BICD2: variants seen among roughly 807,000 people sequenced by gnomAD.
BICD2 encodes protein bicaudal D homolog 2.
Under a neutral mutation model 72.9 loss-of-function variants are expected in BICD2, and 25 were observed. The ratio of observed to expected loss-of-function variants is 0.34; its 90% CI spans 0.25 to 0.48. BICD2 has a LOEUF of 0.48. Ranked by LOEUF, BICD2 falls within the 20% of genes least tolerant of loss-of-function variation. The pLI is 0.99. For missense variants in BICD2, 894 were observed against 1,175.2 expected (o/e 0.76, Z 3.50); for synonymous variants, 501 against 516.1 (o/e 0.97, Z 0.40).
intron 1 of BICD2, among the ~76,000 whole-genome samples, chr9:92,743,271 C>T (rs1250048085): frequency 1.3e-5 from 2 of 151,900 alleles, no homozygotes; most frequent in African/African-American, 2.4e-5. Context: ...CAGCTCCCTT[C>T]AGCCTTAACC....
Position 92,711,952 on chromosome 9 carries a change from T to C in BICD2, c.*3202A>G, listed in dbSNP as rs1186507034. 6.6e-6 allele frequency: 1 copy of C among 152,584 alleles called. No individual in the cohort carries two copies. The highest frequency in any genetic ancestry group is 1.5e-5 in the Non-Finnish European group (1 of 68,036). The allele number at this position is 152,584 out of a possible 1,614,324, so 9.5% of individuals were successfully genotyped here. A position where few individuals can be genotyped will look rare whatever the true frequency, so the allele number is the denominator to read the frequency against. On this transcript the variant is annotated 3_prime_UTR_variant, in exon 7 of 7. Coordinates refer to ENST00000356884, the MANE Select transcript of BICD2 (RefSeq NM_001003800.2). ...CAGCAAACAAAACAGGATGTAGACC[T>C]GGTTTGCTAAGGAGTTTTAATGAGT...
chr9:92,714,068 T>C lies in BICD2; in HGVS notation c.*1086A>G, dbSNP rs1401892022. ...AAATGGGAGAACCCTACAGCTACCT[T>C]TCCTCTTTCTCTGTTGCCATCCCCC... is the stretch of plus-strand genomic sequence containing the variant. On this transcript the variant is annotated 3_prime_UTR_variant, in exon 7 of 7. Transcript: ENST00000356884. 5.1e-6 allele frequency: 5 copies of C among 985,854 alleles called. No homozygotes were observed. The highest frequency in any genetic ancestry group is 5.2e-4 in the Middle Eastern group (1 of 1,938). 61.1% of individuals were successfully genotyped at this position (985,854 alleles called of 1,614,324 possible).
rs111836891 is a variant in BICD2, at chr9:92,717,503, C to T, written c.2258+294G>A. ...TGCCCTATGCTCCAGCAACTGCTTG[C>T]GTGACCTCGGAGGAAGCTGAGGTGC... is the stretch of plus-strand genomic sequence containing the variant. On this transcript the variant is annotated intron_variant, in intron 6 of 6. Transcript: ENST00000356884. Among the ~76,000 whole-genome samples, 742 of 152,356 alleles carry T rather than the reference C, an allele frequency of 4.9e-3. 4 individuals are homozygous for T. The highest frequency in any genetic ancestry group is 0.017 in the African/African-American group (690 of 41,566).
At chr9:92,728,353 C>A (rs1018296835) in intron 2 of BICD2, among the ~76,000 whole-genome samples, 1 of 152,234 alleles carries the variant, frequency 6.6e-6, no homozygotes, top group African/African-American at 2.4e-5. Context: ...TGGACGGATT[C>A]ATGGACGGAC....
chr9:92,740,844 C>G (rs1389113408), intron 1 of BICD2, among the ~76,000 whole-genome samples: 1 of 152,166 alleles, frequency 6.6e-6, no homozygotes, highest in African/African-American at 2.4e-5. Flanking sequence ...TACTGCATTG[C>G]TGGTTCCACC....
In BICD2 at chr9:92,764,784, CA is replaced by C; in HGVS notation, c.-41del. ...GAGCCGGCTCCCACTGAGGCTCTCG[CA>C]GGCCGGGCCCTCCTCAGCCGCCGCC... On this transcript the variant is annotated 5_prime_UTR_variant, in exon 1 of 7. Coordinates refer to ENST00000356884, the MANE Select transcript of BICD2 (RefSeq NM_001003800.2). This position sits in a 1 kb window ranked among gnomAD's most constrained non-coding sequence, Gnocchi z 5.5. 2 of 1,418,558 alleles carry C rather than the reference CA, an allele frequency of 1.4e-6. No homozygotes were observed. The highest frequency in any genetic ancestry group is 1.8e-6 in the Non-Finnish European group (2 of 1,088,104). 87.9% of individuals were successfully genotyped at this position (1,418,558 alleles called of 1,614,324 possible).
At chr9:92,741,792 G>GA (rs996854584) in intron 1 of BICD2, among the ~76,000 whole-genome samples, 2 of 152,138 alleles carry the variant, frequency 1.3e-5, no homozygotes, top group Non-Finnish European at 2.9e-5. Flanking sequence ...CATCAGAAGA[G>GA]AAAAAAGCGT....
intron 1 of BICD2, among the ~76,000 whole-genome samples, chr9:92,749,063 T>C (rs1257433560): frequency 6.6e-6 from 1 of 151,148 alleles, no homozygotes. Context: ...ACCTGGCAGG[T>C]AGACAGGGAG....
intron 1 of BICD2, among the ~76,000 whole-genome samples, chr9:92,750,555 G>T (rs1398215745): frequency 6.6e-6 from 1 of 152,138 alleles, no homozygotes; most frequent in Non-Finnish European, 1.5e-5. Context: ...CATACTGTAT[G>T]ATTCCAATTA....
In BICD2 at chr9:92,713,964, C is replaced by T. The variant is rs930090856; in HGVS notation, c.*1190G>A. The T allele has an allele frequency of 1.8e-5, 18 of 988,070 alleles. No individual in the cohort carries two copies. The African/African-American group carries it at 3.1e-4, about 17-fold the overall frequency. 61.2% of individuals were successfully genotyped at this position (988,070 alleles called of 1,614,324 possible). ...ACTGCAGCCTCAGGTCCAGCTGGTC[C>T]CACAGGGTGATCGGGAAAAAAGTAC... is the stretch of plus-strand genomic sequence containing the variant. On this transcript the variant is annotated 3_prime_UTR_variant, in exon 7 of 7. Transcript: ENST00000356884.
chr9:92,752,340 A>C (rs1854167935), intron 1 of BICD2, among the ~76,000 whole-genome samples: 1 of 152,224 alleles, frequency 6.6e-6, no homozygotes, highest in African/African-American at 2.4e-5. Context: ...ACTTTAAAAA[A>C]AAAAAAAGAG....
intron 1 of BICD2, among the ~76,000 whole-genome samples, chr9:92,751,129 G>GT (rs2131530447): frequency 7.8e-6 from 1 of 128,738 alleles, no homozygotes; most frequent in South Asian, 3.1e-4. Context: ...CAGGGTGGTT[G>GT]GTTTTTTGTT....
At chr9:92,730,843 T>G (rs1241474411) in intron 1 of BICD2, among the ~76,000 whole-genome samples, 1 of 152,140 alleles carries the variant, frequency 6.6e-6, no homozygotes, top group African/African-American at 2.4e-5. Flanking sequence ...AGGCTGGGTC[T>G]TGCTCACCTG....
At chr9:92,734,513 CAAAAA>C (rs34489248) in intron 1 of BICD2, among the ~76,000 whole-genome samples, 2 of 106,950 alleles carry the variant, frequency 1.9e-5, no homozygotes, top group Admixed American at 1.0e-4. Flanking sequence ...GACCCTGTCT[CAAAAA>C]AAAAAAAAAA....
chr9:92,713,155 C>A lies in BICD2; in HGVS notation c.*1999G>T, dbSNP rs1587664446. ...AAAAAAGAACATGTGTAACAAGGAG[C>A]CCCCGTGGTGGGCGTTTCCAGTGGG... On this transcript the variant is annotated 3_prime_UTR_variant, in exon 7 of 7. Transcript: ENST00000356884. 8 of 432,876 alleles carry A rather than the reference C, an allele frequency of 1.8e-5. No individual in the cohort carries two copies. In the East Asian group the frequency reaches 3.0e-4, roughly 16 times the overall value. 26.8% of individuals were successfully genotyped at this position (432,876 alleles called of 1,614,324 possible). A position where few individuals can be genotyped will look rare whatever the true frequency, so the allele number is the denominator to read the frequency against.
intron 2 of BICD2, 116 bp downstream of exon 2, chr9:92,728,908 G>A (rs1406369164): frequency 8.8e-7 from 1 of 1,131,164 alleles, no homozygotes; most frequent in Admixed American, 2.3e-5. Flanking sequence ...AGACAGACCA[G>A]CCAGCTGCAG....
intron 1 of BICD2, among the ~76,000 whole-genome samples, chr9:92,753,740 C>T (rs1379418399): frequency 6.6e-6 from 1 of 151,566 alleles, no homozygotes; most frequent in East Asian, 2.0e-4. Flanking sequence ...GGGGTTTCAC[C>T]GTGTTAGCCA....
Position 92,719,480 on chromosome 9 carries a change from G to C in BICD2, c.1165C>G (p.Arg389Gly), listed in dbSNP as rs766132361. Residue 389 changes from arginine (R) to glycine (G), a missense_variant, in exon 5 of 7, where the codon CGC becomes GGC. By Grantham distance (125) the Arg-to-Gly change is moderately radical. Transcript: ENST00000356884. ...SLSEQQEKVT[R>G]LTENLSALRR... The stretch of plus-strand genomic sequence containing the variant: ...AGGGCACTCAGATTCTCTGTGAGGC[G>C]GGTCACCTTCTCCTGCTGTTCTGAC... 6.2e-7 allele frequency: 1 copy of C among 1,614,022 alleles called. No homozygotes were observed. Among genetic ancestry groups the C allele is most frequent in the Admixed American group, 1.7e-5 (1 of 60,026 alleles).
intron 1 of BICD2, among the ~76,000 whole-genome samples, chr9:92,731,793 T>A (rs10992436): frequency 4.6e-5 from 7 of 152,084 alleles, no homozygotes; most frequent in African/African-American, 1.7e-4. Flanking sequence ...GAAGGACCAC[T>A]GAGGGGGCAG....
Sources: allele counts gnomAD v4.1 joint callset (sites outside exome capture counted in the v4.1 genomes callset), GRCh38; gene constraint gnomAD v4.1.1; non-coding constraint Gnocchi (gnomAD v3.1); transcripts MANE v1.5; gene names NCBI Gene and HGNC (gene_info 2026-07-23, HGNC 2026-07-21).